The following RAPGEF5 variants were observed in gnomAD, a reference collection of about 807,000 sequenced individuals.
RAPGEF5 encodes M-Ras-regulated GEF.
RAPGEF5 carries 65 observed loss-of-function variants against 125.2 expected under a neutral mutation model. That is an observed-to-expected ratio of 0.52 (90% CI 0.43 to 0.64). The LOEUF (loss-of-function observed/expected upper bound fraction) is 0.64. Ranked by LOEUF, RAPGEF5 falls within the 30% of genes least tolerant of loss-of-function variation. The probability of loss-of-function intolerance (pLI) is 0.00; values close to 1 mark genes in which losing one functional copy is unlikely to be tolerated. For missense variants in RAPGEF5, 958 were observed against 1,048.1 expected, an observed-to-expected ratio of 0.91 and a Z score of 1.19; for synonymous variants, 391 against 385.9, an observed-to-expected ratio of 1.01 and a Z score of -0.16.
intron 3 of RAPGEF5, among the ~76,000 whole-genome samples, chr7:22,312,007 C>A (rs943096158): frequency 1.4e-4 from 21 of 152,184 alleles, no homozygotes; most frequent in African/African-American, 5.1e-4. Flanking sequence ...TGAAAGAACA[C>A]AATAAAGCAT....
At chr7:22,296,385 A>G (rs1279395685) in intron 5 of RAPGEF5, among the ~76,000 whole-genome samples, 1 of 152,176 alleles carries the variant, frequency 6.6e-6, no homozygotes, top group Non-Finnish European at 1.5e-5. Flanking sequence ...GTCAGGAGGC[A>G]GAGGACATGG....
At chr7:22,266,726 T>G (rs1222715943) in intron 7 of RAPGEF5, among the ~76,000 whole-genome samples, 4 of 152,352 alleles carry the variant, frequency 2.6e-5, no homozygotes, top group Admixed American at 2.6e-4. Flanking sequence ...AATTTCATTT[T>G]TTCTTGAAAT....
rs1402605981 is a variant in RAPGEF5, at chr7:22,291,165, A to C, written c.747+10T>G. The C allele has an allele frequency of 2.5e-6, 4 of 1,578,266 alleles. No individual in the cohort carries two copies. Among genetic ancestry groups the C allele is most frequent in the Non-Finnish European group, 3.4e-6 (4 of 1,164,938 alleles). ...CTGCACCCCTAGGCAGGAAAATTGC[A>C]TGGTCTTACCGCAGATGTTAGACGC... On this transcript the variant is annotated intron_variant, in intron 6 of 25. Coordinates refer to ENST00000665637, the MANE Select transcript of RAPGEF5 (RefSeq NM_012294.5).
intron 22 of RAPGEF5, 150 bp downstream of exon 22, chr7:22,136,783 T>G (rs949015518): frequency 1.5e-6 from 1 of 665,910 alleles, no homozygotes; most frequent in Admixed American, 3.4e-5. Context: ...CTTCCCTCCA[T>G]AAGAAGCAAA....
Position 22,193,411 on chromosome 7 carries a change from A to G in RAPGEF5, c.1160T>C (p.Leu387Pro). 6.3e-7 allele frequency: 1 copy of G among 1,597,238 alleles called. No homozygotes were observed. The highest frequency in any genetic ancestry group is 8.5e-7 in the Non-Finnish European group (1 of 1,171,422). The change falls in exon 11 of 26, where the codon CTT (leucine) becomes CCT (proline). Residue 387 changes from leucine to proline, a missense_variant. By Grantham distance (98) the Leu-to-Pro change is moderately conservative. Transcript: ENST00000665637. ...SGTPEKILEH[L>P]LNDLHLEEVQ... ...TTCTTCCAGGTGCAAGTCATTCAAA[A>G]GGTGCTCCAAAATCTTCTCCGGGGT...
At chr7:22,283,951 T>C (rs1445954194) in intron 6 of RAPGEF5, among the ~76,000 whole-genome samples, 1 of 152,148 alleles carries the variant, frequency 6.6e-6, no homozygotes, top group Non-Finnish European at 1.5e-5. Flanking sequence ...TCATCCTGCT[T>C]ACCAAAACCA....
rs60654602 is a variant in RAPGEF5, at chr7:22,345,696, C to CT, written c.231+11133dup. ...GGTAGATTAGAACATGTCTAGGCAGCTTTTTTTTTTTTTTTTTTTTTTTAG... is the reference window on the plus strand; with the variant it reads ...GGTAGATTAGAACATGTCTAGGCAGCTTTTTTTTTTTTTTTTTTTTTTTTAG... On this transcript the variant is annotated intron_variant, in intron 1 of 25. Coordinates refer to ENST00000665637, the MANE Select transcript of RAPGEF5 (RefSeq NM_012294.5). Among the ~76,000 whole-genome samples the CT allele has an allele frequency of 5.9e-3, 631 of 106,634 alleles. 6 individuals are homozygous for CT. Among genetic ancestry groups the CT allele is most frequent in the African/African-American group, 0.013 (329 of 26,304 alleles). The allele number at this position is 106,634 out of a possible 152,430, so 70.0% of individuals were successfully genotyped here.
At chr7:22,215,888 A>T in intron 9 of RAPGEF5, among the ~76,000 whole-genome samples, 1 of 152,220 alleles carries the variant, frequency 6.6e-6, no homozygotes, top group East Asian at 1.9e-4. Flanking sequence ...AAATACTAAC[A>T]TCTCAGCTAC....
chr7:22,293,386 T>C (rs1782978127), intron 5 of RAPGEF5, among the ~76,000 whole-genome samples: 2 of 152,178 alleles, frequency 1.3e-5, no homozygotes, highest in South Asian at 4.1e-4. Flanking sequence ...GAGCCATCCC[T>C]TCCCTCCTCA....
chr7:22,324,122 A>C (rs1337688240), intron 1 of RAPGEF5, among the ~76,000 whole-genome samples: 1 of 152,200 alleles, frequency 6.6e-6, no homozygotes, highest in Admixed American at 6.5e-5. Flanking sequence ...ACAAATGATA[A>C]AAATTATCGC....
rs1783434497 is a variant in RAPGEF5, at chr7:22,310,121, A to C, written c.390-31T>G. 4 of 1,486,036 alleles carry C rather than the reference A, an allele frequency of 2.7e-6. No homozygotes were observed. The East Asian group carries it at 7.8e-5, about 29-fold the overall frequency. 92.1% of individuals were successfully genotyped at this position (1,486,036 alleles called of 1,614,324 possible). On this transcript the variant is annotated intron_variant, in intron 3 of 25. Transcript: ENST00000665637. ...CAAAAGCAAAGCCATTCACAGTAAG[A>C]TATTGCTGACATCCGTTTGCCAAAA...
chr7:22,128,925 C>T (rs566316408), intron 24 of RAPGEF5, among the ~76,000 whole-genome samples: 156 of 152,290 alleles, frequency 1.0e-3, no homozygotes, highest in Non-Finnish European at 1.7e-3. Flanking sequence ...TAAACTTTCT[C>T]AAAGAATTAA....
At chr7:22,161,581 C>T (rs1291076373) in intron 13 of RAPGEF5, among the ~76,000 whole-genome samples, 2 of 148,022 alleles carry the variant, frequency 1.4e-5, no homozygotes, top group African/African-American at 5.0e-5. Context: ...CACACACACA[C>T]AATTCCACAT....
intron 8 of RAPGEF5, among the ~76,000 whole-genome samples, chr7:22,222,532 G>A (rs1157987921): frequency 6.6e-6 from 1 of 152,182 alleles, no homozygotes; most frequent in Non-Finnish European, 1.5e-5. Flanking sequence ...ATGCTCAAGT[G>A]TGTTTGGCAT....
chr7:22,218,545 T>C (rs963931086), intron 9 of RAPGEF5, among the ~76,000 whole-genome samples: 6 of 152,200 alleles, frequency 3.9e-5, no homozygotes, highest in African/African-American at 1.4e-4. Context: ...GAAATGTGCA[T>C]CTTGAAATCA....
intron 24 of RAPGEF5, among the ~76,000 whole-genome samples, chr7:22,128,081 T>G (rs1782804081): frequency 6.6e-6 from 1 of 152,182 alleles, no homozygotes. Context: ...ATATGCCATT[T>G]GCGTAGCTTG....
chr7:22,135,996 G>T, intron 23 of RAPGEF5, 42 bp downstream of exon 23: 1 of 1,483,058 alleles, frequency 6.7e-7, no homozygotes, highest in Non-Finnish European at 9.3e-7. Context: ...ATAAATTTCT[G>T]AAATATGAAA....
At chr7:22,339,227 A>G (rs1211226902) in intron 1 of RAPGEF5, among the ~76,000 whole-genome samples, 1 of 152,182 alleles carries the variant, frequency 6.6e-6, no homozygotes, top group Non-Finnish European at 1.5e-5. Flanking sequence ...ATCAGCGGAG[A>G]AAGGATGCAA....
chr7:22,291,905 G>C (rs1439154458), intron 5 of RAPGEF5, among the ~76,000 whole-genome samples: 1 of 152,078 alleles, frequency 6.6e-6, no homozygotes, highest in Non-Finnish European at 1.5e-5. Context: ...CTTAATTCAT[G>C]AAAAAAGACT....
Sources: gnomAD v4.1 joint callset for allele counts (sites outside exome capture counted in the v4.1 genomes callset) on GRCh38, gnomAD v4.1.1 for gene constraint, MANE v1.5 for transcripts, NCBI Gene and HGNC (gene_info 2026-07-23, HGNC 2026-07-21) for gene names.